The following PLCB1 variants were observed in gnomAD, a reference collection of about 807,000 sequenced individuals.
The protein encoded by PLCB1 is phospholipase C beta 1.
In PLCB1, 46 loss-of-function variants were observed where a neutral mutation model predicts 161.8. That is an observed-to-expected ratio of 0.28 (90% CI 0.22 to 0.36). PLCB1 has a LOEUF of 0.36. Among genes scored for constraint, PLCB1 ranks in the 10% least tolerant of loss-of-function variants. PLCB1 has a pLI of 1.00. For synonymous variants in PLCB1, 517 were observed against 503.7 expected, an observed-to-expected ratio of 1.03 and a Z score of -0.35; for missense variants, 1,016 against 1,472.5, an observed-to-expected ratio of 0.69 and a Z score of 5.07.
chr20:8,517,554 A>T (rs966688852), intron 3 of PLCB1, among the ~76,000 whole-genome samples: 1 of 152,150 alleles, frequency 6.6e-6, no homozygotes, highest in Non-Finnish European at 1.5e-5. Context: ...CATGCACTTT[A>T]TATAGCATTT....
At chr20:8,508,074 G>C (rs777085724) in intron 3 of PLCB1, among the ~76,000 whole-genome samples, 2 of 152,176 alleles carry the variant, frequency 1.3e-5, no homozygotes, top group African/African-American at 2.4e-5. Context: ...AACAAGTCAG[G>C]AGGACATGGG....
chr20:8,300,679 G>A (rs1983867835), intron 2 of PLCB1, among the ~76,000 whole-genome samples: 1 of 151,986 alleles, frequency 6.6e-6, no homozygotes, highest in African/African-American at 2.4e-5. Context: ...TATTTTTAAA[G>A]AACTATGTAC....
At chr20:8,523,221 C>T (rs1400070881) in intron 3 of PLCB1, among the ~76,000 whole-genome samples, 1 of 151,798 alleles carries the variant, frequency 6.6e-6, no homozygotes, top group African/African-American at 2.4e-5. Flanking sequence ...TCAGTGTTTA[C>T]TGAATGCCAA....
At chr20:8,697,932 G>A in intron 11 of PLCB1, 149 bp downstream of exon 11, 1 of 612,766 alleles carries the variant, frequency 1.6e-6, no homozygotes, top group Non-Finnish European at 2.7e-6. Flanking sequence ...AAATTTGGCT[G>A]TTTATTCATG....
chr20:8,140,175 A>G (rs2051388213), intron 1 of PLCB1, among the ~76,000 whole-genome samples: 1 of 152,172 alleles, frequency 6.6e-6, no homozygotes, highest in Admixed American at 6.5e-5. Flanking sequence ...TGAATGTGGT[A>G]GATACAATAG....
At chr20:8,542,806 G>T (rs1193693217) in intron 3 of PLCB1, among the ~76,000 whole-genome samples, 1 of 152,174 alleles carries the variant, frequency 6.6e-6, no homozygotes, top group East Asian at 1.9e-4. Flanking sequence ...TGAAGCCGAG[G>T]GACGTTAATT....
chr20:8,732,615 T>A (rs1980314133), intron 18 of PLCB1, among the ~76,000 whole-genome samples: 1 of 141,546 alleles, frequency 7.1e-6, no homozygotes, highest in Admixed American at 7.4e-5. Flanking sequence ...TATTAGAAAT[T>A]AGATATTAGA....
rs550295563 is a variant in PLCB1 at position 8,517,089 on chromosome 20, G to A, written c.247-111205G>A. On this transcript the variant is annotated intron_variant, in intron 3 of 31. Coordinates refer to ENST00000338037, the MANE Select transcript of PLCB1 (RefSeq NM_015192.4). ...ATTCACCACAATAGAGGGGTTGGGC[G>A]TTCCACATATAGAGATGACATTGGG... Among the ~76,000 whole-genome samples, 21 of 152,066 alleles carry A rather than the reference G, an allele frequency of 1.4e-4. 1 individual carries two copies. Among genetic ancestry groups the A allele is most frequent in the South Asian group, 1.2e-3 (6 of 4,824 alleles).
chr20:8,483,832 G>A (rs905615244), intron 3 of PLCB1, among the ~76,000 whole-genome samples: 1 of 152,020 alleles, frequency 6.6e-6, no homozygotes, highest in East Asian at 1.9e-4. Flanking sequence ...CGAAGACAAT[G>A]GACACAAAGT....
At chr20:8,713,362 T>G (rs2123460473) in intron 12 of PLCB1, among the ~76,000 whole-genome samples, 1 of 152,264 alleles carries the variant, frequency 6.6e-6, no homozygotes, top group South Asian at 2.1e-4. Context: ...TTTGCATTTT[T>G]AGTAGAGACA....
intron 3 of PLCB1, among the ~76,000 whole-genome samples, chr20:8,607,407 A>G (rs1439349868): frequency 6.6e-6 from 1 of 152,174 alleles, no homozygotes; most frequent in Non-Finnish European, 1.5e-5. Flanking sequence ...CCATCCCTCT[A>G]AGAGCCCTTG....
intron 1 of PLCB1, among the ~76,000 whole-genome samples, chr20:8,140,578 C>T (rs1203690285): frequency 1.3e-5 from 2 of 150,230 alleles, no homozygotes; most frequent in African/African-American, 5.0e-5. Flanking sequence ...AAGACCACCT[C>T]GGGTGGTAGG....
intron 6 of PLCB1, 144 bp downstream of exon 6, chr20:8,648,097 A>C: frequency 1.8e-6 from 1 of 542,608 alleles, no homozygotes. Flanking sequence ...CACATGTCTC[A>C]TGTCAGTGCA....
chr20:8,360,703 G>A (rs766343790), intron 2 of PLCB1, among the ~76,000 whole-genome samples: 7 of 152,118 alleles, frequency 4.6e-5, no homozygotes, highest in Non-Finnish European at 8.8e-5. Context: ...GTTGAATTCC[G>A]TCTGTCTTGC....
chr20:8,710,502 C>CTTTTT (rs1177302486), intron 12 of PLCB1, among the ~76,000 whole-genome samples: 2 of 71,468 alleles, frequency 2.8e-5, no homozygotes, highest in African/African-American at 5.4e-5. Context: ...CTTGAGGATG[C>CTTTTT]TTTTTTTTTT....
At chr20:8,521,326 A>G (rs75074006) in intron 3 of PLCB1, among the ~76,000 whole-genome samples, 232 of 22,968 alleles carry the variant, frequency 0.01, 1 homozygote, top group Admixed American at 0.01. Context: ...TATAAAAGGG[A>G]AAAAAAAAAA....
chr20:8,524,901 G>T (rs1984521195), intron 3 of PLCB1, among the ~76,000 whole-genome samples: 1 of 152,180 alleles, frequency 6.6e-6, no homozygotes, highest in Non-Finnish European at 1.5e-5. Flanking sequence ...GAGCGTCTGT[G>T]TACTGCCACA....
chr20:8,838,544 G>C (rs1986378037), intron 31 of PLCB1, among the ~76,000 whole-genome samples: 1 of 152,224 alleles, frequency 6.6e-6, no homozygotes. Flanking sequence ...TTCCCTGACA[G>C]AACTGCTATA....
At chr20:8,658,798 A>G (rs561773951) in intron 9 of PLCB1, 94 bp downstream of exon 9, 2 of 998,068 alleles carry the variant, frequency 2.0e-6, no homozygotes, top group Non-Finnish European at 3.0e-6. Flanking sequence ...TCGTTAGGTT[A>G]GTTTCCTCTG....
Sources: allele counts gnomAD v4.1 joint callset (sites outside exome capture counted in the v4.1 genomes callset), GRCh38; gene constraint gnomAD v4.1.1; transcripts MANE v1.5; gene names NCBI Gene and HGNC (gene_info 2026-07-23, HGNC 2026-07-21).